The following TNRC18 variants were observed in gnomAD, a reference collection of about 807,000 sequenced individuals.
TNRC18 encodes trinucleotide repeat-containing gene 18 protein.
TNRC18 carries 69 observed loss-of-function variants against 226.7 expected under a neutral mutation model. That is an observed-to-expected ratio of 0.30 (90% CI 0.25 to 0.37). The LOEUF is 0.37. TNRC18 is among the 10% of genes least tolerant of loss of function. TNRC18 has a pLI of 1.00. For synonymous variants in TNRC18, 2,449 were observed against 1,927.6 expected, an observed-to-expected ratio of 1.27 and a Z score of -7.09; for missense variants, 4,754 against 4,256.6, an observed-to-expected ratio of 1.12 and a Z score of -3.25.
At chr7:5,414,087 C>T (rs1313398484) in intron 2 of TNRC18, among the ~76,000 whole-genome samples, 1 of 151,890 alleles carries the variant, frequency 6.6e-6, no homozygotes, top group Admixed American at 6.6e-5. Context: ...GCTGGGATTA[C>T]AGGTGCCCTC....
At chr7:5,383,670 T>TC (rs1779555774) in intron 5 of TNRC18, among the ~76,000 whole-genome samples, 1 of 152,010 alleles carries the variant, frequency 6.6e-6, no homozygotes, top group South Asian at 2.1e-4. Context: ...GACACAGGCG[T>TC]CCCAGGGCGT....
chr7:5,377,331 TC>T lies in TNRC18; in HGVS notation c.2461+39del. ...TCCTGCACCCGCCCCCTCCCACCCC[TC>T]CCTCAGAGAAGGGGAGAGACCCTGT... On this transcript the variant is annotated intron_variant, in intron 7 of 29. Transcript: ENST00000430969. This position sits in a 1 kb window ranked among gnomAD's most constrained non-coding sequence, Gnocchi z 5.8. 1 of 518,922 alleles carries T rather than the reference TC, an allele frequency of 1.9e-6. No homozygotes were observed. The highest frequency in any genetic ancestry group is 3.2e-6 in the Non-Finnish European group (1 of 310,252). The allele number at this position is 518,922 out of a possible 1,614,324, so 32.1% of individuals were successfully genotyped here.
At chr7:5,346,082 C>T (rs1791164783) in intron 17 of TNRC18, among the ~76,000 whole-genome samples, 1 of 152,274 alleles carries the variant, frequency 6.6e-6, no homozygotes, top group Non-Finnish European at 1.5e-5. Context: ...TGAGGGGCAC[C>T]AACATGCACC....
At chr7:5,310,916 ATG>A (rs1015914804) in intron 27 of TNRC18, among the ~76,000 whole-genome samples, 14 of 151,426 alleles carry the variant, frequency 9.2e-5, no homozygotes, top group South Asian at 4.1e-4. Flanking sequence ...GCACGTGTTC[ATG>A]TGTGTGCACG....
At chr7:5,386,509 G>A (rs1052002740) in intron 5 of TNRC18, among the ~76,000 whole-genome samples, 26 of 151,960 alleles carry the variant, frequency 1.7e-4, no homozygotes, top group Non-Finnish European at 2.4e-4. Context: ...AGGAGGCAGA[G>A]GTCGCAGTGA....
chr7:5,365,768 G>C (rs1455137908), intron 11 of TNRC18, among the ~76,000 whole-genome samples: 3 of 151,618 alleles, frequency 2.0e-5, no homozygotes, highest in Admixed American at 1.3e-4. Context: ...TTTTCTTTGT[G>C]ATCTAAAATA....
At chr7:5,372,965 C>T (rs911151665) in intron 10 of TNRC18, among the ~76,000 whole-genome samples, 3 of 152,188 alleles carry the variant, frequency 2.0e-5, no homozygotes, top group East Asian at 1.9e-4. Flanking sequence ...TCGAGACCAG[C>T]CTGACCAACA....
chr7:5,415,030 C>T lies in TNRC18; in HGVS notation c.187+6030G>A, dbSNP rs187926901. Among the ~76,000 whole-genome samples, 817 of 152,126 alleles carry T rather than the reference C, an allele frequency of 5.4e-3. 3 individuals are homozygous for T. Among genetic ancestry groups the T allele is most frequent in the Non-Finnish European group, 7.1e-3 (482 of 68,006 alleles). ...GTCCAGACCAGTTCTGTGAAATGTC[C>T]CTCAATTTCAATTACTCCTTCCACT... is the stretch of plus-strand genomic sequence containing the variant. On this transcript the variant is annotated intron_variant, in intron 2 of 29. Transcript: ENST00000430969.
In TNRC18 at chr7:5,377,312, A is replaced by ACCCCCCCCCC; in HGVS notation, c.2461+58_2461+59insGGGGGGGGGG. 30 of 1,295,626 alleles carry ACCCCCCCCCC rather than the reference A, an allele frequency of 2.3e-5. No homozygotes were observed. The highest frequency in any genetic ancestry group is 2.8e-4 in the Middle Eastern group (1 of 3,564). 80.3% of individuals were successfully genotyped at this position (1,295,626 alleles called of 1,614,324 possible). ...AGCCAGCCCTGAGCTCTTGTCCTGC[A>ACCCCCCCCCC]CCCGCCCCCTCCCACCCCTCCCTCA... On this transcript the variant is annotated intron_variant, in intron 7 of 29. Coordinates refer to ENST00000430969, the MANE Select transcript of TNRC18 (RefSeq NM_001080495.3). This position sits in a 1 kb window ranked among gnomAD's most constrained non-coding sequence, Gnocchi z 5.8.
chr7:5,359,895 T>A (rs547985294), intron 14 of TNRC18, among the ~76,000 whole-genome samples: 1 of 151,816 alleles, frequency 6.6e-6, no homozygotes, highest in South Asian at 2.1e-4. Flanking sequence ...AGAACAAAGA[T>A]CAGAAACGCC....
chr7:5,311,092 T>C (rs1260033565), intron 27 of TNRC18, among the ~76,000 whole-genome samples: 1 of 152,280 alleles, frequency 6.6e-6, no homozygotes, highest in Non-Finnish European at 1.5e-5. Flanking sequence ...CATGTTTACA[T>C]GGTTCATGTA....
chr7:5,421,048 C>G lies in TNRC18; in HGVS notation c.187+12G>C, dbSNP rs1183762314. On this transcript the variant is annotated intron_variant, in intron 2 of 29. Coordinates refer to ENST00000430969, the MANE Select transcript of TNRC18 (RefSeq NM_001080495.3). ...AAGACAGGAGGGGACGGGCACGGCG[C>G]GGGGCACTTACCCGGGTGCGGATGG... The G allele has an allele frequency of 1.3e-6, 2 of 1,526,780 alleles. No individual in the cohort carries two copies. The highest frequency in any genetic ancestry group is 2.8e-5 in the African/African-American group (2 of 72,504). 94.6% of individuals were successfully genotyped at this position (1,526,780 alleles called of 1,614,324 possible). A position where few individuals can be genotyped will look rare whatever the true frequency, so the allele number is the denominator to read the frequency against.
intron 2 of TNRC18, among the ~76,000 whole-genome samples, chr7:5,418,791 C>G (rs73059717): frequency 0.13 from 20,156 of 152,158 alleles, 1,472 homozygotes; most frequent in Middle Eastern, 0.22. Flanking sequence ...GATGTGCTGG[C>G]TTGAGGAATG....
Position 5,423,476 on chromosome 7 carries a change from GACA to G in TNRC18, c.-282_-280del, listed in dbSNP as rs953977965. ...TGGGTTCACGGCTCCAGGCTCCGGCGACAACGACTCCGGCGGCGGCCCCGGCTC... is the reference window on the plus strand; with the variant it reads ...TGGGTTCACGGCTCCAGGCTCCGGCGACGACTCCGGCGGCGGCCCCGGCTC... On this transcript the variant is annotated 5_prime_UTR_variant, in exon 1 of 30. Transcript: ENST00000430969. The G allele has an allele frequency of 2.6e-5, 4 of 152,106 alleles. No individual in the cohort carries two copies. The highest frequency in any genetic ancestry group is 7.2e-5 in the African/African-American group (3 of 41,440). 9.4% of individuals were successfully genotyped at this position (152,106 alleles called of 1,614,324 possible).
chr7:5,421,404 G>T lies in TNRC18; in HGVS notation c.-158C>A. The T allele has an allele frequency of 7.1e-6, 4 of 559,692 alleles. No homozygotes were observed. Among genetic ancestry groups the T allele is most frequent in the African/African-American group, 2.0e-5 (1 of 49,072 alleles). The allele number at this position is 559,692 out of a possible 1,614,324, so 34.7% of individuals were successfully genotyped here. On this transcript the variant is annotated 5_prime_UTR_variant, in exon 2 of 30. Transcript: ENST00000430969. ...CAGCGGGGCTTGCGCTCGGCGGCGG[G>T]CCCGCGGCCCGGGGCGCACAGGCGG...
rs752227493 is a variant in TNRC18 at position 5,371,029 on chromosome 7, T to C, written c.3565A>G (p.Thr1189Ala). The C allele has an allele frequency of 6.2e-7, 1 of 1,609,350 alleles. No individual in the cohort carries two copies. Among genetic ancestry groups the C allele is most frequent in the Non-Finnish European group, 8.5e-7 (1 of 1,179,626 alleles). The change falls in exon 11 of 30, where the codon ACC becomes GCC. Residue 1189 changes from threonine (T) to alanine (A), a missense_variant. Transcript: ENST00000430969. ...CCACAACCCCCTGCAGGGCTGGGGG[T>C]AGCCATGGCTTCCGCGGCGGGCAGT... Reference protein sequence around the residue: ...LPLPAAEAMATPSPAGGCGGG... With the variant: ...LPLPAAEAMAAPSPAGGCGGG...
intron 2 of TNRC18, among the ~76,000 whole-genome samples, chr7:5,407,914 A>G (rs987281213): frequency 6.6e-6 from 1 of 152,208 alleles, no homozygotes; most frequent in African/African-American, 2.4e-5. Flanking sequence ...CTTAGCAGAG[A>G]CAAAAGAACC....
intron 2 of TNRC18, among the ~76,000 whole-genome samples, chr7:5,395,952 G>A (rs1439140920): frequency 1.3e-5 from 2 of 149,010 alleles, no homozygotes; most frequent in South Asian, 2.1e-4. Flanking sequence ...AGCTGAGATC[G>A]CTCCACTGCA....
chr7:5,333,816 C>T (rs1201370240), intron 18 of TNRC18, among the ~76,000 whole-genome samples: 1 of 152,180 alleles, frequency 6.6e-6, no homozygotes, highest in East Asian at 1.9e-4. Flanking sequence ...CCCCACAACC[C>T]GGGAAGTCCT....
Sources: gnomAD v4.1 joint callset for allele counts (sites outside exome capture counted in the v4.1 genomes callset) on GRCh38, gnomAD v4.1.1 for gene constraint, Gnocchi (gnomAD v3.1) non-coding constraint, MANE v1.5 for transcripts, NCBI Gene and HGNC (gene_info 2026-07-23, HGNC 2026-07-21) for gene names.